AKT3: variants seen among roughly 807,000 people sequenced by gnomAD.
AKT3 encodes RAC-gamma serine/threonine-protein kinase.
AKT3 carries 15 observed loss-of-function variants against 65.3 expected under a neutral mutation model. That is an observed-to-expected ratio of 0.23 (90% CI 0.15 to 0.35). The LOEUF (loss-of-function observed/expected upper bound fraction) is 0.35, where lower values mean the gene tolerates loss of function less well. Ranked by LOEUF, AKT3 falls within the 10% of genes least tolerant of loss-of-function variation. The probability of loss-of-function intolerance (pLI) is 1.00; values close to 1 mark genes in which losing one functional copy is unlikely to be tolerated. For synonymous variants in AKT3, 206 were observed against 183.8 expected, an observed-to-expected ratio of 1.12 and a Z score of -0.98; for missense variants, 243 against 576.5, an observed-to-expected ratio of 0.42 and a Z score of 5.92.
chr1:243,831,709 T>C (rs889878259), intron 2 of AKT3, among the ~76,000 whole-genome samples: 1 of 152,078 alleles, frequency 6.6e-6, no homozygotes, highest in Non-Finnish European at 1.5e-5. Flanking sequence ...GTGAATAATA[T>C]TACTCACACA....
downstream of AKT3, among the ~76,000 whole-genome samples, chr1:243,496,710 G>C (rs1668004729): frequency 1.3e-5 from 2 of 152,212 alleles, no homozygotes; most frequent in South Asian, 2.1e-4. Context: ...AGCAGCAAAG[G>C]CTGGCTGGAC....
chr1:243,695,505 G>T (rs1238505191), intron 3 of AKT3, 86 bp downstream of exon 3: 4 of 1,277,138 alleles, frequency 3.1e-6, no homozygotes, highest in Non-Finnish European at 4.2e-6. Context: ...TTTTTCACAG[G>T]TTTCTCATAT....
At chr1:243,545,632 A>T (rs367701088) in intron 11 of AKT3, 35 bp from the exon 12 acceptor site, 21 of 1,417,652 alleles carry the variant, frequency 1.5e-5, no homozygotes, top group East Asian at 1.4e-4. Context: ...GTAAGTATAA[A>T]ACATTTACAT....
At chr1:243,805,790 AGTGT>A (rs1017950278) in intron 2 of AKT3, among the ~76,000 whole-genome samples, 7 of 152,238 alleles carry the variant, frequency 4.6e-5, no homozygotes, top group African/African-American at 1.7e-4. Flanking sequence ...CTGTTAGTAA[AGTGT>A]GTGTTTCTCA....
chr1:243,710,048 A>G lies in AKT3; in HGVS notation c.47-14332T>C, dbSNP rs141012646. 5.4e-4 allele frequency among the ~76,000 whole-genome samples: 83 copies of G among 152,298 alleles called. 1 individual carries two copies. In the East Asian group the frequency reaches 0.014, roughly 25 times the overall value. ...AACATTTAGCAAGATGCCTTAAACA[A>G]TATGTCAGACAGTGAAATACTCTGT... On this transcript the variant is annotated intron_variant, in intron 2 of 13. Transcript: ENST00000673466.
intron 13 of AKT3, among the ~76,000 whole-genome samples, chr1:243,510,294 G>A (rs930932131): frequency 1.2e-4 from 18 of 152,120 alleles, no homozygotes; most frequent in African/African-American, 2.2e-4. Flanking sequence ...TATTGAATAC[G>A]CACACTGTGC....
Position 243,581,550 on chromosome 1 carries a change from A to G in AKT3, c.697-8502T>C, listed in dbSNP as rs182251936. 1.9e-3 allele frequency among the ~76,000 whole-genome samples: 291 copies of G among 152,290 alleles called. 1 individual carries two copies. Among genetic ancestry groups the G allele is most frequent in the South Asian group, 0.013 (61 of 4,826 alleles). Reference sequence around the variant, plus strand: ...AGGGGAAGAAAAGGGAAAGGAGAAAAAAATATATAATAACATTATAGGGAA... The same window carrying G: ...AGGGGAAGAAAAGGGAAAGGAGAAAGAAATATATAATAACATTATAGGGAA... On this transcript the variant is annotated intron_variant, in intron 8 of 13. Transcript: ENST00000673466.
intron 2 of AKT3, among the ~76,000 whole-genome samples, chr1:243,785,016 G>C (rs577534761): frequency 9.9e-5 from 15 of 151,222 alleles, no homozygotes; most frequent in African/African-American, 2.9e-4. Context: ...TCCTGCCTCA[G>C]CCTCCCCCGT....
Position 243,567,186 on chromosome 1 carries a change from C to T in AKT3, c.820-3338G>A, listed in dbSNP as rs191070988. Among the ~76,000 whole-genome samples, 239 of 152,168 alleles carry T rather than the reference C, an allele frequency of 1.6e-3. 3 individuals carry two copies. The highest frequency in any genetic ancestry group is 0.01 in the Middle Eastern group (3 of 294). On this transcript the variant is annotated intron_variant, in intron 9 of 13. Transcript: ENST00000673466. ...GTGCCAGCTACTCTGGAGGCTGAAG[C>T]GGGAGAGTTACTTGAGCCCGAGGTG...
chr1:243,523,668 TC>T (rs1245634520), intron 12 of AKT3, among the ~76,000 whole-genome samples: 1 of 152,146 alleles, frequency 6.6e-6, no homozygotes, highest in Non-Finnish European at 1.5e-5. Flanking sequence ...TTAATTTTAA[TC>T]CAATCCTAAC....
intron 2 of AKT3, chr1:243,793,540 G>A (rs1169570109): frequency 6.6e-6 from 1 of 152,246 alleles, no homozygotes; most frequent in African/African-American, 2.4e-5. Context: ...ATGGGAGGCT[G>A]AAGTGAGAGG....
At chr1:243,756,460 G>T (rs576459450) in intron 2 of AKT3, among the ~76,000 whole-genome samples, 1 of 152,210 alleles carries the variant, frequency 6.6e-6, no homozygotes, top group African/African-American at 2.4e-5. Context: ...AGTTTGAAGG[G>T]AATCCCGCTG....
At chr1:243,784,418 C>A (rs1691116243) in intron 2 of AKT3, among the ~76,000 whole-genome samples, 1 of 150,704 alleles carries the variant, frequency 6.6e-6, no homozygotes, top group African/African-American at 2.4e-5. Context: ...ATTGGGGGAA[C>A]AGCCCTCTTC....
At chr1:243,769,493 T>G (rs1255940164) in intron 2 of AKT3, among the ~76,000 whole-genome samples, 1 of 152,198 alleles carries the variant, frequency 6.6e-6, no homozygotes, top group Non-Finnish European at 1.5e-5. Context: ...GACATCCTAA[T>G]AGGTGAGTTG....
intron 2 of AKT3, among the ~76,000 whole-genome samples, chr1:243,841,096 A>C (rs986350665): frequency 6.6e-6 from 1 of 152,186 alleles, no homozygotes; most frequent in Non-Finnish European, 1.5e-5. Context: ...ATAAGCACAT[A>C]CACATTATTA....
rs1304897991 is a variant in AKT3 at position 243,630,669 on chromosome 1, T to TA, written c.561+6941_561+6942insT. ...GCCTCCAATTCATTCTTGCTTTTTT[T>TA]TAAAAAAAAAATTATAACATGCTTT... On this transcript the variant is annotated intron_variant, in intron 6 of 13. Coordinates refer to ENST00000673466, the MANE Select transcript of AKT3 (RefSeq NM_005465.7). Among the ~76,000 whole-genome samples the TA allele has an allele frequency of 5.7e-4, 86 of 152,192 alleles. 1 individual carries two copies. Among genetic ancestry groups the TA allele is most frequent in the African/African-American group, 2.0e-3 (81 of 41,494 alleles).
At chr1:243,688,882 T>C (rs1478850267) in intron 3 of AKT3, among the ~76,000 whole-genome samples, 4 of 152,122 alleles carry the variant, frequency 2.6e-5, no homozygotes, top group East Asian at 1.9e-4. Context: ...GCCTATACCA[T>C]TCACAAAACA....
intron 10 of AKT3, among the ~76,000 whole-genome samples, chr1:243,558,594 G>A (rs1396679632): frequency 6.6e-6 from 1 of 151,850 alleles, no homozygotes; most frequent in African/African-American, 2.4e-5. Context: ...TTTCTCAATA[G>A]CAACCACAGC....
At chr1:243,805,123 G>A (rs796463094) in intron 2 of AKT3, among the ~76,000 whole-genome samples, 35 of 152,220 alleles carry the variant, frequency 2.3e-4, no homozygotes, top group African/African-American at 4.8e-4. Flanking sequence ...TTCTAAAACC[G>A]TGATGATTCT....
Sources: allele counts gnomAD v4.1 joint callset (sites outside exome capture counted in the v4.1 genomes callset), GRCh38; gene constraint gnomAD v4.1.1; transcripts MANE v1.5; gene names NCBI Gene and HGNC (gene_info 2026-07-23, HGNC 2026-07-21).